Variants in CIRSR observed in about 807,000 individuals in gnomAD.
CIRSR encodes the protein CBF1 (RBPJ) interacting corepressor 1.
chr2:174,367,721 AAGAG>A, the CIRSR span, among the ~76,000 whole-genome samples: 1 of 148,684 alleles, frequency 6.7e-6, no homozygotes, highest in Admixed American at 6.7e-5. Context: ...CAGCCTGGGC[AAGAG>A]AGAGAGAGAT....
the CIRSR span, among the ~76,000 whole-genome samples, chr2:174,349,362 C>T: frequency 2.6e-5 from 4 of 151,828 alleles, no homozygotes; most frequent in African/African-American, 7.3e-5. Flanking sequence ...GTCAGGAGTT[C>T]GAGACCAGCC....
the CIRSR span, among the ~76,000 whole-genome samples, chr2:174,359,977 G>A: frequency 2.0e-5 from 3 of 152,098 alleles, no homozygotes; most frequent in African/African-American, 4.8e-5. Flanking sequence ...ACCAAACACC[G>A]CATGTTCTCA....
At chr2:174,349,085 A>G in the CIRSR span, 2 of 1,550,800 alleles carry the variant, frequency 1.3e-6, no homozygotes, top group African/African-American at 1.4e-5. Context: ...AAGAGGACTT[A>G]TGTTTTTTGT....
At chr2:174,365,198 A>G in the CIRSR span, among the ~76,000 whole-genome samples, 2 of 152,356 alleles carry the variant, frequency 1.3e-5, no homozygotes, top group East Asian at 3.9e-4. Context: ...AAATGCTGCC[A>G]GTCTCTTTGC....
the CIRSR span, among the ~76,000 whole-genome samples, chr2:174,393,035 A>G: frequency 6.6e-6 from 1 of 152,248 alleles, no homozygotes; most frequent in Non-Finnish European, 1.5e-5. Context: ...GGAGCAGGCT[A>G]AGAATAAAGA....
chr2:174,366,140 A>C, the CIRSR span, among the ~76,000 whole-genome samples: 1 of 152,202 alleles, frequency 6.6e-6, no homozygotes, highest in Non-Finnish European at 1.5e-5. Context: ...AGTGGGCTTT[A>C]AGATATGTCA....
chr2:174,350,139 T>C, the CIRSR span, among the ~76,000 whole-genome samples: 2 of 150,142 alleles, frequency 1.3e-5, no homozygotes, highest in South Asian at 2.1e-4. Flanking sequence ...TGAAAATAAG[T>C]CTCTAGGTTC....
chr2:174,366,953 G>A, the CIRSR span, among the ~76,000 whole-genome samples: 1 of 152,108 alleles, frequency 6.6e-6, no homozygotes, highest in Non-Finnish European at 1.5e-5. Context: ...AATTTTTAGA[G>A]TATAATTAAT....
chr2:174,395,701 G>C, the CIRSR span: 5 of 1,612,446 alleles, frequency 3.1e-6, no homozygotes, highest in East Asian at 1.1e-4. Flanking sequence ...CCGGAACTGC[G>C]TTTCCAGCAG....
At chr2:174,395,059 C>T in the CIRSR span, among the ~76,000 whole-genome samples, 1 of 152,198 alleles carries the variant, frequency 6.6e-6, no homozygotes, top group Admixed American at 6.5e-5. Context: ...CTATGATATT[C>T]ACCAAAGTAT....
the CIRSR span, chr2:174,348,692 C>A: frequency 6.2e-7 from 1 of 1,614,212 alleles, no homozygotes; most frequent in South Asian, 1.1e-5. Flanking sequence ...TTCTCCGGCT[C>A]CTTTCCTCCC....
chr2:174,349,997 T>G, the CIRSR span, among the ~76,000 whole-genome samples: 1 of 152,220 alleles, frequency 6.6e-6, no homozygotes, highest in Non-Finnish European at 1.5e-5. Flanking sequence ...TATAAAATAA[T>G]ATAGTTAATA....
chr2:174,381,811 G>T, the CIRSR span: 1 of 1,443,928 alleles, frequency 6.9e-7, no homozygotes, highest in Non-Finnish European at 9.4e-7. Flanking sequence ...ACGATTTTAT[G>T]TAGGACAAAA....
chr2:174,354,169 T>C, the CIRSR span, among the ~76,000 whole-genome samples: 6 of 151,484 alleles, frequency 4.0e-5, no homozygotes, highest in Admixed American at 4.0e-4. Context: ...CTAGCATTTA[T>C]ATTTTTCAAA....
At chr2:174,387,627 G>A in the CIRSR span, 4 of 1,511,508 alleles carry the variant, frequency 2.6e-6, no homozygotes. Context: ...CATTCAGTAG[G>A]AAATTATTCC....
chr2:174,369,630 T>C, the CIRSR span, among the ~76,000 whole-genome samples: 3 of 152,220 alleles, frequency 2.0e-5, no homozygotes, highest in African/African-American at 4.8e-5. Context: ...TTCCTTTCAT[T>C]TGAACACTTA....
chr2:174,378,822 C>G, the CIRSR span: 7 of 903,638 alleles, frequency 7.7e-6, no homozygotes, highest in Non-Finnish European at 1.1e-5. Context: ...AAGCCCCACA[C>G]ACAAACCCAA....
the CIRSR span, among the ~76,000 whole-genome samples, chr2:174,352,797 GTCACT>G: frequency 1.3e-5 from 2 of 152,152 alleles, no homozygotes; most frequent in African/African-American, 4.8e-5. Context: ...TGATGTGTCT[GTCACT>G]TAGGGAAGAA....
At chr2:174,364,743 T>C in the CIRSR span, among the ~76,000 whole-genome samples, 1 of 152,208 alleles carries the variant, frequency 6.6e-6, no homozygotes, top group Non-Finnish European at 1.5e-5. Context: ...TTGGCCTCTT[T>C]CAGCCACAGC....
Sources: allele counts gnomAD v4.1 joint callset (sites outside exome capture counted in the v4.1 genomes callset), GRCh38; gene constraint gnomAD v4.1.1; transcripts MANE v1.5; gene names NCBI Gene and HGNC (gene_info 2026-07-23, HGNC 2026-07-21).